Variants in QTMAN observed in about 807,000 individuals in gnomAD.
QTMAN encodes the protein tRNA-queuosine alpha-mannosyltransferase.
chr2:143,993,425 A>C, the QTMAN span, among the ~76,000 whole-genome samples: 2 of 147,802 alleles, frequency 1.4e-5, no homozygotes, highest in South Asian at 2.2e-4. Context: ...AGGGGGGGGG[A>C]CTTTGCAGAT....
At chr2:143,959,694 T>C in the QTMAN span, among the ~76,000 whole-genome samples, 3 of 152,160 alleles carry the variant, frequency 2.0e-5, no homozygotes, top group Non-Finnish European at 4.4e-5. Context: ...CTGCATTTGC[T>C]TTTTCAGATC....
At chr2:143,998,293 T>C in the QTMAN span, among the ~76,000 whole-genome samples, 7 of 152,092 alleles carry the variant, frequency 4.6e-5, no homozygotes, top group Non-Finnish European at 8.8e-5. Flanking sequence ...ACTATGAGTA[T>C]ACATCTGAGT....
the QTMAN span, among the ~76,000 whole-genome samples, chr2:144,252,838 A>G: frequency 1.3e-5 from 2 of 152,236 alleles, no homozygotes; most frequent in Admixed American, 1.3e-4. Flanking sequence ...AAAACTTGGA[A>G]GTGGCCAAAA....
the QTMAN span, among the ~76,000 whole-genome samples, chr2:144,112,609 T>C: frequency 1.3e-5 from 2 of 152,200 alleles, no homozygotes; most frequent in Non-Finnish European, 1.5e-5. Flanking sequence ...CCCAACACCA[T>C]GGCGAAAACC....
the QTMAN span, among the ~76,000 whole-genome samples, chr2:143,960,494 CAATG>C: frequency 6.6e-6 from 1 of 152,022 alleles, no homozygotes; most frequent in Non-Finnish European, 1.5e-5. Flanking sequence ...AAAGTCAGAA[CAATG>C]AGGCTGTACT....
the QTMAN span, among the ~76,000 whole-genome samples, chr2:144,077,853 T>A: frequency 6.6e-6 from 1 of 152,228 alleles, no homozygotes; most frequent in Non-Finnish European, 1.5e-5. Flanking sequence ...TGCAAATTTT[T>A]ATCTGAATGG....
chr2:144,138,187 T>A, the QTMAN span, among the ~76,000 whole-genome samples: 1 of 152,036 alleles, frequency 6.6e-6, no homozygotes, highest in Non-Finnish European at 1.5e-5. Flanking sequence ...AACTGAAGAA[T>A]GTGTCATGGT....
the QTMAN span, among the ~76,000 whole-genome samples, chr2:144,207,694 CAGG>C: frequency 1.9e-3 from 283 of 152,194 alleles, 3 homozygotes; most frequent in Non-Finnish European, 2.2e-4. Flanking sequence ...ATTTAACCAT[CAGG>C]AGAATACACA....
At chr2:144,146,087 C>T in the QTMAN span, among the ~76,000 whole-genome samples, 1 of 137,878 alleles carries the variant, frequency 7.3e-6, no homozygotes, top group East Asian at 2.5e-4. Context: ...AAAGATAAGA[C>T]TGACTGCGGA....
the QTMAN span, among the ~76,000 whole-genome samples, chr2:144,110,183 C>T: frequency 2.0e-5 from 3 of 152,116 alleles, no homozygotes; most frequent in East Asian, 1.9e-4. Context: ...AAATGTGGCA[C>T]ATATATACCA....
At chr2:144,183,473 T>C in the QTMAN span, among the ~76,000 whole-genome samples, 1 of 152,172 alleles carries the variant, frequency 6.6e-6, no homozygotes, top group African/African-American at 2.4e-5. Context: ...CATTTTTTAA[T>C]AAAATACAAG....
At chr2:144,077,840 C>G in the QTMAN span, among the ~76,000 whole-genome samples, 5 of 152,092 alleles carry the variant, frequency 3.3e-5, 1 homozygote, top group South Asian at 1.0e-3. Flanking sequence ...CAATGATTTT[C>G]TTTGCAAATT....
At chr2:144,193,437 A>ATTATGTATATATAATGCATATATATG in the QTMAN span, among the ~76,000 whole-genome samples, 1 of 148,298 alleles carries the variant, frequency 6.7e-6, no homozygotes, top group East Asian at 1.9e-4. Flanking sequence ...TATAATATAT[A>ATTATGTATATATAATGCATATATATG]TTATGTATAT....
the QTMAN span, among the ~76,000 whole-genome samples, chr2:144,301,814 C>T: frequency 6.6e-6 from 1 of 152,318 alleles, no homozygotes; most frequent in East Asian, 1.9e-4. Flanking sequence ...CACTGCCACT[C>T]CTCCAGGAGG....
At chr2:144,318,671 T>C in the QTMAN span, among the ~76,000 whole-genome samples, 1 of 152,194 alleles carries the variant, frequency 6.6e-6, no homozygotes, top group Non-Finnish European at 1.5e-5. Flanking sequence ...GTGGTGGCAG[T>C]GGCACACTGA....
the QTMAN span, among the ~76,000 whole-genome samples, chr2:144,052,906 C>T: frequency 7.9e-5 from 12 of 152,220 alleles, no homozygotes; most frequent in Admixed American, 7.9e-4. Context: ...ACCTTGGCCT[C>T]CCAAAGTGCT....
chr2:144,283,647 T>C, the QTMAN span, among the ~76,000 whole-genome samples: 1 of 152,204 alleles, frequency 6.6e-6, no homozygotes, highest in Non-Finnish European at 1.5e-5. Flanking sequence ...ATAAATTCTA[T>C]TTATGAAAAA....
At chr2:144,241,377 A>G in the QTMAN span, among the ~76,000 whole-genome samples, 1 of 152,300 alleles carries the variant, frequency 6.6e-6, no homozygotes, top group Admixed American at 6.5e-5. Context: ...TTCTTCCCTC[A>G]CATGCAAAAT....
At chr2:144,012,450 T>C in the QTMAN span, among the ~76,000 whole-genome samples, 1 of 152,162 alleles carries the variant, frequency 6.6e-6, no homozygotes, top group African/African-American at 2.4e-5. Context: ...CCTTAGCTTA[T>C]TTCTGCTATA....
Sources: gnomAD v4.1 joint callset for allele counts (sites outside exome capture counted in the v4.1 genomes callset) on GRCh38, gnomAD v4.1.1 for gene constraint, MANE v1.5 for transcripts, NCBI Gene and HGNC (gene_info 2026-07-23, HGNC 2026-07-21) for gene names.